Variants in LHFPL2 observed in about 807,000 individuals in gnomAD.
The protein encoded by LHFPL2 is LHFPL tetraspan subfamily member 2, also known as LHFPL tetraspan subfamily member 2 protein.
In LHFPL2, 7 loss-of-function variants were observed where a neutral mutation model predicts 17.5. The ratio of observed to expected loss-of-function variants is 0.40; its 90% CI spans 0.23 to 0.75. LHFPL2 has a LOEUF of 0.75. LHFPL2 is among the 30% of genes least tolerant of loss of function. The pLI, the probability that LHFPL2 is intolerant of heterozygous loss-of-function variation, is 0.37. For synonymous variants in LHFPL2, 134 were observed against 116.2 expected (o/e 1.15, Z -0.99); for missense variants, 241 against 294.8 (o/e 0.82, Z 1.34).
intron 3 of LHFPL2, among the ~76,000 whole-genome samples, chr5:78,530,410 G>T (rs1755747303): frequency 6.6e-6 from 1 of 152,164 alleles, no homozygotes; most frequent in African/African-American, 2.4e-5. Context: ...ATGAAATCAG[G>T]CTGAACCATA....
intron 2 of LHFPL2, among the ~76,000 whole-genome samples, chr5:78,612,842 G>T (rs893693371): frequency 6.6e-6 from 1 of 152,250 alleles, no homozygotes; most frequent in African/African-American, 2.4e-5. Context: ...CAAATGAGCT[G>T]GGGAGACAGT....
intron 2 of LHFPL2, among the ~76,000 whole-genome samples, chr5:78,613,683 T>A (rs1744496078): frequency 6.6e-6 from 1 of 152,206 alleles, no homozygotes; most frequent in Admixed American, 6.5e-5. Context: ...TTTAAATCCA[T>A]TTGAAATGGA....
At chr5:78,500,036 AAGGC>A (rs915436963) in intron 4 of LHFPL2, among the ~76,000 whole-genome samples, 1 of 67,820 alleles carries the variant, frequency 1.5e-5, no homozygotes, top group Non-Finnish European at 3.5e-5. Flanking sequence ...AAAAAAAAAA[AAGGC>A]AGTATAATCA....
At chr5:78,634,586 C>T (rs1354483516) in intron 1 of LHFPL2, among the ~76,000 whole-genome samples, 1 of 152,224 alleles carries the variant, frequency 6.6e-6, no homozygotes. Context: ...CTGTCTCTCC[C>T]CACTAGACTG....
At chr5:78,605,532 T>C (rs1248884773) in intron 2 of LHFPL2, among the ~76,000 whole-genome samples, 1 of 152,230 alleles carries the variant, frequency 6.6e-6, no homozygotes, top group Non-Finnish European at 1.5e-5. Context: ...ACCAACCCCA[T>C]GACCATGTTA....
rs10562386 is a variant in LHFPL2 at position 78,507,941 on chromosome 5, T to TACACACAC, written c.430+1835_430+1842dup. 4.4e-4 allele frequency among the ~76,000 whole-genome samples: 66 copies of TACACACAC among 148,566 alleles called. 1 individual carries two copies. The highest frequency in any genetic ancestry group is 2.5e-3 in the Admixed American group (37 of 14,920). On this transcript the variant is annotated intron_variant, in intron 4 of 4. Coordinates refer to ENST00000380345, the MANE Select transcript of LHFPL2 (RefSeq NM_005779.3). ...AAAAGTTTTAAGATATACACATGCA[T>TACACACAC]ACACACACACACACACACACACACA...
chr5:78,634,745 G>A (rs1397842304), intron 1 of LHFPL2, among the ~76,000 whole-genome samples: 7 of 152,208 alleles, frequency 4.6e-5, no homozygotes, highest in Non-Finnish European at 1.0e-4. Context: ...GCCCAAGGCC[G>A]CAGAGCAAGC....
chr5:78,499,119 C>G (rs1226639852), intron 4 of LHFPL2, among the ~76,000 whole-genome samples: 1 of 152,146 alleles, frequency 6.6e-6, no homozygotes, highest in Non-Finnish European at 1.5e-5. Flanking sequence ...TTGGAAGAAC[C>G]TTCTGGAAAG....
intron 3 of LHFPL2, among the ~76,000 whole-genome samples, chr5:78,512,321 A>G (rs1027621549): frequency 8.6e-5 from 13 of 151,316 alleles, no homozygotes; most frequent in Non-Finnish European, 1.2e-4. Context: ...TACCTAACTC[A>G]GCTGGTGTTT....
intron 2 of LHFPL2, among the ~76,000 whole-genome samples, chr5:78,577,398 G>T (rs946462910): frequency 1.3e-5 from 2 of 152,130 alleles, no homozygotes; most frequent in Admixed American, 6.5e-5. Context: ...TCTCCCATTG[G>T]TATCTTGACT....
At chr5:78,639,467 C>T (rs1168173947) in intron 1 of LHFPL2, among the ~76,000 whole-genome samples, 1 of 152,174 alleles carries the variant, frequency 6.6e-6, no homozygotes, top group African/African-American at 2.4e-5. Context: ...CTACGAATTA[C>T]AGCATGAATC....
Position 78,485,382 on chromosome 5 carries a change from C to G in LHFPL2, c.*3515G>C, listed in dbSNP as rs1484834930. The G allele has an allele frequency of 6.6e-6, 1 of 152,632 alleles. No individual in the cohort carries two copies. Among genetic ancestry groups the G allele is most frequent in the African/African-American group, 2.4e-5 (1 of 41,452 alleles). The allele number at this position is 152,632 out of a possible 1,614,324, so 9.5% of individuals were successfully genotyped here. On this transcript the variant is annotated 3_prime_UTR_variant, in exon 5 of 5. Coordinates refer to ENST00000380345, the MANE Select transcript of LHFPL2 (RefSeq NM_005779.3). ...TGAAGGCTCAAATTGAGTCCATCAG[C>G]TGTAAATACAATTTTATATTTGGCT...
intron 2 of LHFPL2, among the ~76,000 whole-genome samples, chr5:78,595,955 A>G (rs1306533200): frequency 6.6e-6 from 1 of 152,236 alleles, no homozygotes; most frequent in Non-Finnish European, 1.5e-5. Flanking sequence ...GGAGGTTTAA[A>G]TGAACAATAA....
chr5:78,634,592 G>A (rs1179495028), intron 1 of LHFPL2, among the ~76,000 whole-genome samples: 5 of 152,170 alleles, frequency 3.3e-5, no homozygotes, highest in African/African-American at 7.2e-5. Context: ...CTCCCCACTA[G>A]ACTGTGAGCT....
At chr5:78,611,613 G>C (rs757659020) in intron 2 of LHFPL2, among the ~76,000 whole-genome samples, 2 of 152,176 alleles carry the variant, frequency 1.3e-5, no homozygotes, top group Non-Finnish European at 2.9e-5. Flanking sequence ...ATTACTAAGG[G>C]GGATGGTGAA....
chr5:78,530,780 C>T (rs1424163876), intron 3 of LHFPL2, among the ~76,000 whole-genome samples: 1 of 152,210 alleles, frequency 6.6e-6, no homozygotes, highest in African/African-American at 2.4e-5. Flanking sequence ...TATGACTGCC[C>T]ATTTATTCTA....
intron 3 of LHFPL2, among the ~76,000 whole-genome samples, chr5:78,547,252 G>A (rs1756304751): frequency 6.6e-6 from 1 of 152,340 alleles, no homozygotes; most frequent in African/African-American, 2.4e-5. Flanking sequence ...AGTAACAACA[G>A]AGGCAGAGCC....
At chr5:78,617,233 T>C (rs944980765) in intron 2 of LHFPL2, among the ~76,000 whole-genome samples, 4 of 152,118 alleles carry the variant, frequency 2.6e-5, no homozygotes, top group Non-Finnish European at 4.4e-5. Context: ...TTTCATCATG[T>C]TGGCCAGGCT....
rs1561344865 is a variant in LHFPL2, at chr5:78,572,494, GTGTGTA to G, written c.-244-7629_-244-7624del. On this transcript the variant is annotated intron_variant, in intron 2 of 4. Coordinates refer to ENST00000380345, the MANE Select transcript of LHFPL2 (RefSeq NM_005779.3). ...TGTGTATATATATGTGTATATATAT[GTGTGTA>G]TATATATATATACACACACATATAT... is the stretch of plus-strand genomic sequence containing the variant. 3.2e-3 allele frequency among the ~76,000 whole-genome samples: 447 copies of G among 140,570 alleles called. 3 individuals carry two copies. Among genetic ancestry groups the G allele is most frequent in the African/African-American group, 0.013 (427 of 33,722 alleles). The allele number at this position is 140,570 out of a possible 152,430, so 92.2% of individuals were successfully genotyped here.
Sources: allele counts gnomAD v4.1 joint callset (sites outside exome capture counted in the v4.1 genomes callset), GRCh38; gene constraint gnomAD v4.1.1; transcripts MANE v1.5; gene names NCBI Gene and HGNC (gene_info 2026-07-23, HGNC 2026-07-21).